Variants in SGCZ observed in about 807,000 individuals in gnomAD.
SGCZ encodes zeta-sarcoglycan.
A neutral mutation model predicts 41.3 loss-of-function variants in SGCZ; 40 were observed. That is an observed-to-expected ratio of 0.97 (90% CI 0.75 to 1.26). SGCZ has a LOEUF of 1.26. Ranked by LOEUF, SGCZ falls within the 50% of genes most tolerant of loss-of-function variation. The pLI is 0.00. For synonymous variants in SGCZ, 206 were observed against 137.5 expected, an observed-to-expected ratio of 1.50 and a Z score of -3.49; for missense variants, 552 against 369.8, an observed-to-expected ratio of 1.49 and a Z score of -4.04.
intron 1 of SGCZ, among the ~76,000 whole-genome samples, chr8:14,800,158 CT>C (rs34437259): frequency 0.54 from 81,365 of 151,692 alleles, 22,007 homozygotes; most frequent in East Asian, 0.73. Flanking sequence ...ATTTTGCCTC[CT>C]TTTTTTCATG....
intron 2 of SGCZ, among the ~76,000 whole-genome samples, chr8:14,435,233 A>G (rs1021230020): frequency 3.3e-5 from 5 of 152,172 alleles, no homozygotes; most frequent in African/African-American, 1.2e-4. Context: ...TATTGCCATT[A>G]TATTATTCAT....
intron 4 of SGCZ, among the ~76,000 whole-genome samples, chr8:14,189,410 T>G (rs549513047): frequency 2.0e-5 from 3 of 152,338 alleles, no homozygotes; most frequent in Middle Eastern, 3.4e-3. Context: ...AAGACCTCTC[T>G]GGTTCTTGCT....
At chr8:14,296,116 T>C (rs998410518) in intron 3 of SGCZ, among the ~76,000 whole-genome samples, 1 of 152,248 alleles carries the variant, frequency 6.6e-6, no homozygotes, top group East Asian at 1.9e-4. Flanking sequence ...ACACTAGTTG[T>C]AGGCTTGGCC....
intron 1 of SGCZ, among the ~76,000 whole-genome samples, chr8:15,191,701 T>C (rs933903231): frequency 3.3e-5 from 5 of 152,008 alleles, no homozygotes; most frequent in African/African-American, 1.2e-4. Context: ...GCTTCAGCTG[T>C]AGAGATAAAG....
intron 1 of SGCZ, among the ~76,000 whole-genome samples, chr8:15,091,957 T>C (rs932372716): frequency 6.6e-6 from 1 of 152,094 alleles, no homozygotes; most frequent in Admixed American, 6.6e-5. Context: ...TTTCACTGTG[T>C]TGCCCAGGCT....
At chr8:14,818,062 C>T (rs533129298) in intron 1 of SGCZ, among the ~76,000 whole-genome samples, 29 of 152,304 alleles carry the variant, frequency 1.9e-4, no homozygotes, top group African/African-American at 2.4e-4. Flanking sequence ...TGAAGCCATC[C>T]GGCCCTTCTG....
intron 1 of SGCZ, among the ~76,000 whole-genome samples, chr8:14,967,152 A>G (rs1395941782): frequency 2.6e-5 from 4 of 152,204 alleles, no homozygotes; most frequent in African/African-American, 9.6e-5. Context: ...AGTGTCATAC[A>G]GTAGCATACC....
At chr8:14,154,434 T>G (rs1470566869) in intron 5 of SGCZ, among the ~76,000 whole-genome samples, 1 of 152,156 alleles carries the variant, frequency 6.6e-6, no homozygotes, top group Non-Finnish European at 1.5e-5. Flanking sequence ...TTTAAGCCAC[T>G]CAGTTCATGG....
chr8:14,782,021 A>C (rs1446860943), intron 1 of SGCZ, among the ~76,000 whole-genome samples: 4 of 152,314 alleles, frequency 2.6e-5, no homozygotes, highest in Non-Finnish European at 4.4e-5. Context: ...GACTCTCTGT[A>C]CTTGACTAGT....
chr8:15,232,743 GTA>G (rs1450991422), intron 1 of SGCZ, among the ~76,000 whole-genome samples: 2 of 142,028 alleles, frequency 1.4e-5, no homozygotes, highest in East Asian at 2.1e-4. Context: ...ATATATGTGT[GTA>G]TATATATACA....
chr8:14,599,859 C>G lies in SGCZ; in HGVS notation c.40-44933G>C, dbSNP rs1040976392. Among the ~76,000 whole-genome samples, 3 of 151,944 alleles carry G rather than the reference C, an allele frequency of 2.0e-5. No homozygotes were observed. The East Asian group carries it at 5.8e-4, about 29-fold the overall frequency. On this transcript the variant is annotated intron_variant, in intron 1 of 7. Coordinates refer to ENST00000382080, the MANE Select transcript of SGCZ (RefSeq NM_139167.4). ...TTTTTCCATCATACAAACAAAAGAC[C>G]CTTGACTCCACACTCTTTACATTAT...
At chr8:14,766,150 G>A (rs1371336688) in intron 1 of SGCZ, among the ~76,000 whole-genome samples, 4 of 151,868 alleles carry the variant, frequency 2.6e-5, no homozygotes, top group South Asian at 4.2e-4. Flanking sequence ...TAGTAGAGAC[G>A]GGTTTCACCA....
intron 2 of SGCZ, among the ~76,000 whole-genome samples, chr8:14,383,434 G>A (rs184241694): frequency 6.6e-6 from 1 of 152,286 alleles, no homozygotes; most frequent in African/African-American, 2.4e-5. Flanking sequence ...ATAATCTCAG[G>A]TTACATATGA....
chr8:14,666,715 G>C (rs544970262), intron 1 of SGCZ, among the ~76,000 whole-genome samples: 2 of 149,850 alleles, frequency 1.3e-5, no homozygotes, highest in East Asian at 2.0e-4. Context: ...TTGAATTACA[G>C]TGTAAGTTTC....
intron 1 of SGCZ, among the ~76,000 whole-genome samples, chr8:15,144,653 A>G (rs1023045339): frequency 2.0e-5 from 3 of 151,790 alleles, no homozygotes; most frequent in African/African-American, 7.3e-5. Context: ...ACAGGGTTTC[A>G]CTCTGTTGGC....
At chr8:14,203,146 T>C (rs1805509966) in intron 4 of SGCZ, among the ~76,000 whole-genome samples, 2 of 152,200 alleles carry the variant, frequency 1.3e-5, no homozygotes, top group Admixed American at 1.3e-4. Context: ...CCTCTTTCTT[T>C]TGTAAATTGC....
intron 2 of SGCZ, among the ~76,000 whole-genome samples, chr8:14,529,373 C>A (rs1184972107): frequency 6.6e-6 from 1 of 152,152 alleles, no homozygotes; most frequent in Non-Finnish European, 1.5e-5. Flanking sequence ...ATCCTCTGAC[C>A]TCATAAAGAC....
At chr8:14,629,131 C>G (rs943830576) in intron 1 of SGCZ, among the ~76,000 whole-genome samples, 8 of 151,972 alleles carry the variant, frequency 5.3e-5, no homozygotes, top group African/African-American at 1.7e-4. Context: ...AAATTGAAGC[C>G]CCTATATCCA....
chr8:14,829,645 A>T (rs990237464), intron 1 of SGCZ, among the ~76,000 whole-genome samples: 5 of 152,198 alleles, frequency 3.3e-5, no homozygotes, highest in Middle Eastern at 3.4e-3. Context: ...AAAATATATC[A>T]GCTACAATAT....
Sources: gnomAD v4.1 joint callset for allele counts (sites outside exome capture counted in the v4.1 genomes callset) on GRCh38, gnomAD v4.1.1 for gene constraint, MANE v1.5 for transcripts, NCBI Gene and HGNC (gene_info 2026-07-23, HGNC 2026-07-21) for gene names.